The following KCNMA1 variants were observed in gnomAD, a reference collection of about 807,000 sequenced individuals.
KCNMA1 encodes Calcium-activated potassium channel subunit alpha-1.
A neutral mutation model predicts 140.0 loss-of-function variants in KCNMA1; 29 were observed. The ratio of observed to expected loss-of-function variants is 0.21; its 90% CI spans 0.15 to 0.28. KCNMA1 has a LOEUF of 0.28. KCNMA1 is among the 10% of genes least tolerant of loss of function. The probability of loss-of-function intolerance (pLI) is 1.00; values close to 1 mark genes in which losing one functional copy is unlikely to be tolerated. For missense variants in KCNMA1, 880 were observed against 1,602.2 expected (o/e 0.55, Z 7.70); for synonymous variants, 612 against 611.9 (o/e 1.00, Z 0.00).
At chr10:77,218,204 C>T (rs1332019090) in intron 3 of KCNMA1, among the ~76,000 whole-genome samples, 1 of 152,096 alleles carries the variant, frequency 6.6e-6, no homozygotes, top group African/African-American at 2.4e-5. Context: ...CAAATGACTC[C>T]CATGGCCTCC....
intron 20 of KCNMA1, among the ~76,000 whole-genome samples, chr10:76,954,302 CACAG>C (rs2067370029): frequency 6.6e-6 from 1 of 152,090 alleles, no homozygotes; most frequent in African/African-American, 2.4e-5. Context: ...CATACACACA[CACAG>C]ACAGACACAC....
chr10:77,168,473 T>G (rs1460898436), intron 5 of KCNMA1, among the ~76,000 whole-genome samples: 7 of 152,202 alleles, frequency 4.6e-5, no homozygotes, highest in Admixed American at 1.3e-4. Context: ...CTATTGCTCC[T>G]AAGCTACAAA....
intron 1 of KCNMA1, among the ~76,000 whole-genome samples, chr10:77,541,872 C>G (rs2060257515): frequency 6.6e-6 from 1 of 152,058 alleles, no homozygotes; most frequent in Non-Finnish European, 1.5e-5. Flanking sequence ...TAATGTGCAG[C>G]CAGAGTTGAG....
intron 23 of KCNMA1, among the ~76,000 whole-genome samples, chr10:76,921,408 A>G (rs2055726336): frequency 6.6e-6 from 1 of 152,236 alleles, no homozygotes; most frequent in Non-Finnish European, 1.5e-5. Flanking sequence ...GGCAAATGTC[A>G]GATGAAGTGC....
At chr10:77,184,388 T>G (rs1312890589) in intron 4 of KCNMA1, among the ~76,000 whole-genome samples, 4 of 152,136 alleles carry the variant, frequency 2.6e-5, no homozygotes, top group Non-Finnish European at 2.9e-5. Context: ...CCTGGCTAAC[T>G]TTTGTATTTT....
intron 1 of KCNMA1, among the ~76,000 whole-genome samples, chr10:77,606,925 C>T (rs1377488630): frequency 1.3e-5 from 2 of 152,198 alleles, no homozygotes; most frequent in Non-Finnish European, 2.9e-5. Flanking sequence ...CTGCAGCCAG[C>T]CCTTGGTAGT....
intron 1 of KCNMA1, among the ~76,000 whole-genome samples, chr10:77,535,957 C>T (rs1322984616): frequency 2.6e-5 from 4 of 152,116 alleles, no homozygotes; most frequent in Admixed American, 1.3e-4. Context: ...AGAAGGAATA[C>T]GATCTAGTGT....
chr10:77,331,823 G>GTA (rs564949967), intron 2 of KCNMA1, among the ~76,000 whole-genome samples: 63 of 151,758 alleles, frequency 4.2e-4, no homozygotes, highest in Admixed American at 3.0e-3. Flanking sequence ...TCTAATATAT[G>GTA]TATATATATA....
intron 20 of KCNMA1, among the ~76,000 whole-genome samples, chr10:76,967,065 T>C (rs2074235163): frequency 6.6e-6 from 1 of 152,128 alleles, no homozygotes; most frequent in Non-Finnish European, 1.5e-5. Flanking sequence ...TGCTGGCAGA[T>C]GATTTGGAAG....
chr10:77,250,268 A>C (rs1279445856), intron 3 of KCNMA1: 2 of 152,184 alleles, frequency 1.3e-5, no homozygotes, highest in Non-Finnish European at 2.9e-5. Context: ...TTAAAGTTCA[A>C]AACACTCACA....
At chr10:77,187,877 A>G (rs564372225) in intron 3 of KCNMA1, among the ~76,000 whole-genome samples, 1 of 152,296 alleles carries the variant, frequency 6.6e-6, no homozygotes, top group African/African-American at 2.4e-5. Flanking sequence ...ACAATCAGAG[A>G]CCACAGAGTG....
intron 1 of KCNMA1, among the ~76,000 whole-genome samples, chr10:77,585,601 C>T (rs1469309574): frequency 1.3e-5 from 2 of 152,180 alleles, no homozygotes; most frequent in Non-Finnish European, 2.9e-5. Context: ...CTGTTCTCAT[C>T]ACCTCTTCAA....
At chr10:76,973,711 A>T (rs1198717780) in intron 19 of KCNMA1, among the ~76,000 whole-genome samples, 1 of 152,192 alleles carries the variant, frequency 6.6e-6, no homozygotes, top group East Asian at 1.9e-4. Context: ...TTCCAGAAAC[A>T]CTGGCCAGAA....
At chr10:77,483,322 T>C (rs867804101) in intron 1 of KCNMA1, among the ~76,000 whole-genome samples, 174 of 152,244 alleles carry the variant, frequency 1.1e-3, no homozygotes, top group African/African-American at 4.0e-3. Flanking sequence ...TCTGGAAAAA[T>C]AGAGACATGT....
At chr10:77,457,026 T>A (rs974026614) in intron 1 of KCNMA1, among the ~76,000 whole-genome samples, 1 of 152,160 alleles carries the variant, frequency 6.6e-6, no homozygotes, top group Non-Finnish European at 1.5e-5. Flanking sequence ...TCTGAAGATA[T>A]CAACTTTCTT....
chr10:77,593,011 T>C (rs1356440505), intron 1 of KCNMA1, among the ~76,000 whole-genome samples: 1 of 152,224 alleles, frequency 6.6e-6, no homozygotes, highest in Non-Finnish European at 1.5e-5. Flanking sequence ...CTTTAGTTCC[T>C]ACTTTCTCCT....
intron 2 of KCNMA1, among the ~76,000 whole-genome samples, chr10:77,294,223 T>TTCAAC (rs1377883744): frequency 3.3e-5 from 5 of 152,254 alleles, no homozygotes; most frequent in Non-Finnish European, 7.3e-5. Context: ...TTGTCCTGGC[T>TTCAAC]TCAACTCTGG....
chr10:77,254,703 C>T (rs2060366513), intron 2 of KCNMA1, among the ~76,000 whole-genome samples: 1 of 152,130 alleles, frequency 6.6e-6, no homozygotes, highest in African/African-American at 2.4e-5. Flanking sequence ...CCTCTCCTTT[C>T]CCAAAATGTC....
chr10:77,152,108 G>C (rs2098424373), intron 5 of KCNMA1, among the ~76,000 whole-genome samples: 1 of 152,072 alleles, frequency 6.6e-6, no homozygotes, highest in African/African-American at 2.4e-5. Flanking sequence ...AGGACAGAGG[G>C]TCCAAGACTG....
Sources: allele counts gnomAD v4.1 joint callset (sites outside exome capture counted in the v4.1 genomes callset), GRCh38; gene constraint gnomAD v4.1.1; transcripts MANE v1.5; gene names NCBI Gene and HGNC (gene_info 2026-07-23, HGNC 2026-07-21).